PABPC4L: variants seen among roughly 807,000 people sequenced by gnomAD.
The protein encoded by PABPC4L is poly(A) binding protein cytoplasmic 4 like.
For missense variants in PABPC4L, 452 were observed against 451.4 expected (o/e 1.00, Z -0.01); for synonymous variants, 169 against 164.1 (o/e 1.03, Z -0.23).
chr4:134,133,467 A>G, the PABPC4L span, among the ~76,000 whole-genome samples: 4 of 146,916 alleles, frequency 2.7e-5, no homozygotes, highest in African/African-American at 9.9e-5. Context: ...GATATCATAT[A>G]TTTTATATAT....
the PABPC4L span, among the ~76,000 whole-genome samples, chr4:134,100,083 G>A: frequency 6.6e-6 from 1 of 151,588 alleles, no homozygotes; most frequent in Non-Finnish European, 1.5e-5. Context: ...CGGCAAACTC[G>A]CTCCTTTCCC....
the PABPC4L span, among the ~76,000 whole-genome samples, chr4:134,064,055 C>T: frequency 6.6e-6 from 1 of 151,826 alleles, no homozygotes; most frequent in Non-Finnish European, 1.5e-5. Flanking sequence ...ATTCTAAAAC[C>T]AAACACATGC....
At chr4:134,112,421 T>A in the PABPC4L span, among the ~76,000 whole-genome samples, 1 of 151,932 alleles carries the variant, frequency 6.6e-6, no homozygotes, top group African/African-American at 2.4e-5. Flanking sequence ...TATACTCTAG[T>A]AAGTTCTCTC....
the PABPC4L span, among the ~76,000 whole-genome samples, chr4:134,036,949 G>A: frequency 4.0e-5 from 6 of 151,808 alleles, no homozygotes; most frequent in Non-Finnish European, 7.4e-5. Flanking sequence ...CCAGCTACTC[G>A]GGAGGCTGAG....
the PABPC4L span, among the ~76,000 whole-genome samples, chr4:134,071,255 G>C: frequency 6.6e-6 from 1 of 151,990 alleles, no homozygotes; most frequent in African/African-American, 2.4e-5. Context: ...TCCTCATTCT[G>C]CCCATCATCT....
chr4:134,060,409 C>T, the PABPC4L span, among the ~76,000 whole-genome samples: 2 of 151,504 alleles, frequency 1.3e-5, no homozygotes, highest in Non-Finnish European at 2.9e-5. Context: ...ACCTAGGCAG[C>T]ACAGCTTACA....
chr4:134,146,952 G>C, the PABPC4L span, among the ~76,000 whole-genome samples: 1 of 152,010 alleles, frequency 6.6e-6, no homozygotes, highest in Non-Finnish European at 1.5e-5. Context: ...AGTTTCACTG[G>C]GGTCCCAGTC....
At chr4:133,953,537 T>C in the PABPC4L span, among the ~76,000 whole-genome samples, 1 of 152,212 alleles carries the variant, frequency 6.6e-6, no homozygotes, top group African/African-American at 2.4e-5. Context: ...CATTTTCTTA[T>C]TTGATCCCTG....
At chr4:134,080,698 G>C in the PABPC4L span, among the ~76,000 whole-genome samples, 1 of 152,130 alleles carries the variant, frequency 6.6e-6, no homozygotes, top group Admixed American at 6.6e-5. Context: ...AAAAATTATA[G>C]GAAGTGACAC....
chr4:133,950,172 C>T, the PABPC4L span, among the ~76,000 whole-genome samples: 3 of 152,018 alleles, frequency 2.0e-5, no homozygotes, highest in Non-Finnish European at 2.9e-5. Context: ...TTGTTTGAAT[C>T]GGTATTTTTC....
At chr4:134,187,018 G>C in the PABPC4L span, among the ~76,000 whole-genome samples, 1 of 152,024 alleles carries the variant, frequency 6.6e-6, no homozygotes, top group Admixed American at 6.6e-5. Flanking sequence ...AGTTAGAATG[G>C]CAATCATTAA....
the PABPC4L span, among the ~76,000 whole-genome samples, chr4:134,096,375 T>C: frequency 6.6e-6 from 1 of 152,080 alleles, no homozygotes; most frequent in East Asian, 1.9e-4. Context: ...AAATTACTAG[T>C]TGTGCCTTAA....
At chr4:134,077,423 A>T in the PABPC4L span, among the ~76,000 whole-genome samples, 1 of 152,158 alleles carries the variant, frequency 6.6e-6, no homozygotes, top group Non-Finnish European at 1.5e-5. Flanking sequence ...CATTCAGTGC[A>T]TTAGTGTTGC....
At chr4:134,049,693 G>A in the PABPC4L span, among the ~76,000 whole-genome samples, 2 of 152,036 alleles carry the variant, frequency 1.3e-5, no homozygotes, top group African/African-American at 2.4e-5. Flanking sequence ...TTTCTCCTAC[G>A]GCCAGATCAG....
At chr4:134,111,725 T>C in the PABPC4L span, among the ~76,000 whole-genome samples, 1 of 151,940 alleles carries the variant, frequency 6.6e-6, no homozygotes, top group East Asian at 1.9e-4. Flanking sequence ...GTTTCTACTT[T>C]TGGTTCTCTC....
At chr4:134,153,199 A>T in the PABPC4L span, among the ~76,000 whole-genome samples, 200 of 152,216 alleles carry the variant, frequency 1.3e-3, 1 homozygote, top group African/African-American at 4.4e-3. Flanking sequence ...CTATTTTTTT[A>T]GTACTGTGTC....
At chr4:134,047,417 T>G in the PABPC4L span, among the ~76,000 whole-genome samples, 1 of 152,050 alleles carries the variant, frequency 6.6e-6, no homozygotes, top group African/African-American at 2.4e-5. Flanking sequence ...CAGAATACCA[T>G]GGGGTCCTGA....
At chr4:134,039,727 G>A in the PABPC4L span, among the ~76,000 whole-genome samples, 1 of 151,962 alleles carries the variant, frequency 6.6e-6, no homozygotes. Flanking sequence ...TTGCATGTGA[G>A]ATGGGTCTCC....
At chr4:133,976,763 T>C in the PABPC4L span, among the ~76,000 whole-genome samples, 1 of 152,196 alleles carries the variant, frequency 6.6e-6, no homozygotes. Context: ...TGTCTTCTTT[T>C]GAGAAATATC....
Sources: gnomAD v4.1 joint callset for allele counts (sites outside exome capture counted in the v4.1 genomes callset) on GRCh38, gnomAD v4.1.1 for gene constraint, MANE v1.5 for transcripts, NCBI Gene and HGNC (gene_info 2026-07-23, HGNC 2026-07-21) for gene names.